The following XYLT2 variants were observed in gnomAD, a reference collection of about 807,000 sequenced individuals.
XYLT2 encodes the protein xylosyltransferase 2.
Under a neutral mutation model 82.6 loss-of-function variants are expected in XYLT2, and 37 were observed. That is an observed-to-expected ratio of 0.45 (90% confidence interval 0.34 to 0.59). XYLT2 has a LOEUF of 0.59. XYLT2 is among the 20% of genes least tolerant of loss of function. XYLT2 has a pLI of 0.01. For missense variants in XYLT2, 934 were observed against 1,181.3 expected, an observed-to-expected ratio of 0.79 and a Z score of 3.07; for synonymous variants, 474 against 499.0, an observed-to-expected ratio of 0.95 and a Z score of 0.67.
Position 50,357,171 on chromosome 17 carries a change from G to T in XYLT2, c.1860G>T (p.Thr620=). 6.2e-7 allele frequency: 1 copy of T among 1,612,820 alleles called. No individual in the cohort carries two copies. Among genetic ancestry groups the T allele is most frequent in the Admixed American group, 1.7e-5 (1 of 60,002 alleles). ...VQPSAQGPAE[T]LEMWLMPQGS... is the part of the protein sequence containing the mutation. ...CCTCAGCCCAGGGGCCGGCAGAGAC[G>T]CTTGAGATGTGGCTGATGCCCCAAG... The change falls in exon 9 of 11, where the codon ACG becomes ACT. Residue 620 remains threonine (T), a synonymous_variant. Coordinates refer to ENST00000017003, the MANE Select transcript of XYLT2 (RefSeq NM_022167.4).
intron 3 of XYLT2, 92 bp downstream of exon 3, chr17:50,354,675 A>C (rs1242916786): frequency 7.2e-7 from 1 of 1,389,272 alleles, no homozygotes; most frequent in Non-Finnish European, 9.3e-7. Flanking sequence ...TGGCCCAGGT[A>C]GCCTAGGAGG....
Position 50,356,353 on chromosome 17 carries a change from G to C in XYLT2, c.1482+92G>C, listed in dbSNP as rs1912529260. Reference sequence around the variant, plus strand: ...CAGGGTGGGCCAGTAAGAGAATCTGGGGGGCCACGGCCTGCAGCAACCCTC... The same window carrying C: ...CAGGGTGGGCCAGTAAGAGAATCTGCGGGGCCACGGCCTGCAGCAACCCTC... On this transcript the variant is annotated intron_variant, in intron 7 of 10. Coordinates refer to ENST00000017003, the MANE Select transcript of XYLT2 (RefSeq NM_022167.4). 6 of 1,558,768 alleles carry C rather than the reference G, an allele frequency of 3.8e-6. No homozygotes were observed. In the Middle Eastern group the frequency reaches 5.3e-4, roughly 137 times the overall value.
In XYLT2 at chr17:50,361,098, GCTCAGCGTGAAGTCTGAA is replaced by G. The variant is rs1373938060; in HGVS notation, c.*808_*825del. The G allele has an allele frequency of 2.0e-6, 2 of 985,812 alleles. No individual in the cohort carries two copies. The highest frequency in any genetic ancestry group is 2.4e-6 in the Non-Finnish European group (2 of 829,970). The allele number at this position is 985,812 out of a possible 1,614,324, so 61.1% of individuals were successfully genotyped here. A position where few individuals can be genotyped will look rare whatever the true frequency, so the allele number is the denominator to read the frequency against. On this transcript the variant is annotated 3_prime_UTR_variant, in exon 11 of 11. Transcript: ENST00000017003. ...AGAACCTGGAGTAATTGTGCCTGAA[GCTCAGCGTGAAGTCTGAA>G]ATATGCAACAGAAGAAATATATCTC...
chr17:50,347,583 A>G (rs2586466), intron 1 of XYLT2, among the ~76,000 whole-genome samples: 78,862 of 152,114 alleles, frequency 0.52, 21,257 homozygotes, highest in East Asian at 0.88. Flanking sequence ...GGGACATTCC[A>G]AGATGGAATG....
intron 7 of XYLT2, 97 bp downstream of exon 7, chr17:50,356,358 C>G (rs1598351713): frequency 6.4e-7 from 1 of 1,552,490 alleles, no homozygotes; most frequent in East Asian, 2.3e-5. Context: ...ATCTGGGGGG[C>G]CACGGCCTGC....
chr17:50,351,092 G>C (rs1184438217), intron 1 of XYLT2, among the ~76,000 whole-genome samples: 4 of 152,216 alleles, frequency 2.6e-5, no homozygotes, highest in Non-Finnish European at 5.9e-5. Flanking sequence ...TTTATCCTAA[G>C]AGGGGAAGCC....
chr17:50,358,865 C>G (rs921251533), intron 10 of XYLT2: 2 of 247,098 alleles, frequency 8.1e-6, no homozygotes, highest in Non-Finnish European at 1.6e-5. Flanking sequence ...TATCAGGGAC[C>G]TCCTGGTTCA....
In XYLT2 at chr17:50,356,000, G is replaced by A; in HGVS notation, c.1305+3G>A. The A allele has an allele frequency of 6.2e-7, 1 of 1,614,242 alleles. No individual in the cohort carries two copies. Among genetic ancestry groups the A allele is most frequent in the Non-Finnish European group, 8.5e-7 (1 of 1,180,034 alleles). ...CATACACACTGCTCCCAGCCGAGGTGGGTAGCCCAGCAGGCATGAAGGCCA... is the reference window on the plus strand; with the variant it reads ...CATACACACTGCTCCCAGCCGAGGTAGGTAGCCCAGCAGGCATGAAGGCCA... On this transcript the variant is annotated splice_donor_region_variant and intron_variant, in intron 6 of 10. Coordinates refer to ENST00000017003, the MANE Select transcript of XYLT2 (RefSeq NM_022167.4).
intron 2 of XYLT2, 39 bp downstream of exon 2, chr17:50,354,161 G>A (rs745440026): frequency 1.3e-6 from 2 of 1,597,894 alleles, no homozygotes; most frequent in South Asian, 1.1e-5. Context: ...CCAGGCGGGG[G>A]CAGGGGGGTG....
intron 1 of XYLT2, 70 bp from the exon 2 acceptor site, chr17:50,353,560 C>A: frequency 6.6e-7 from 1 of 1,513,560 alleles, no homozygotes; most frequent in Non-Finnish European, 8.8e-7. Context: ...TGCCCCCAAC[C>A]AAGATGGAAC....
chr17:50,352,048 G>T (rs1038935249), intron 1 of XYLT2, among the ~76,000 whole-genome samples: 2 of 152,174 alleles, frequency 1.3e-5, no homozygotes, highest in Non-Finnish European at 2.9e-5. Flanking sequence ...AAATGCGGAG[G>T]GTGCTTCAAG....
At position 50,353,999 on chromosome 17, in the gene XYLT2, G is replaced by T. The variant is rs376155356; in HGVS notation, c.505G>T (p.Ala169Ser). The T allele has an allele frequency of 1.9e-6, 3 of 1,606,722 alleles. No homozygotes were observed. The highest frequency in any genetic ancestry group is 2.5e-6 in the Non-Finnish European group (3 of 1,179,922). Residue 169 changes from alanine to serine, a missense_variant, in exon 2 of 11, where the codon GCA becomes TCA. Ala to Ser is a moderately conservative substitution (Grantham distance 99). Coordinates refer to ENST00000017003, the MANE Select transcript of XYLT2 (RefSeq NM_022167.4). ...TPKCEIVGKD[A>S]LSALARASTK... ...CAAGTGCGAGATCGTGGGCAAGGAC[G>T]CACTGTCTGCACTGGCCCGGGCCAG...
rs760893167 is a variant in XYLT2, at chr17:50,354,521, C to G, written c.742C>G (p.Leu248Val). The change falls in exon 3 of 11, where the codon CTG (leucine) becomes GTG (valine). Residue 248 changes from leucine to valine, a missense_variant. Physicochemically the swap from Leu to Val is conservative, Grantham distance 32. This residue lies in a region of XYLT2 where 371 missense variants were observed against 394.9 expected (regional missense o/e 0.94). Transcript: ENST00000017003. ...GGTTCACGGCCGCGCCATCCGCCAG[C>G]TGAAGCGTCTCCTCAAGGCCGTTTA... ...LVVHGRAIRQ[L>V]KRLLKAVYHE... is the part of the protein sequence containing the mutation. The G allele has an allele frequency of 2.5e-6, 4 of 1,613,418 alleles. No individual in the cohort carries two copies. The African/African-American group carries it at 5.3e-5, about 22-fold the overall frequency.
At chr17:50,351,206 A>C (rs1022860402) in intron 1 of XYLT2, among the ~76,000 whole-genome samples, 3 of 152,196 alleles carry the variant, frequency 2.0e-5, no homozygotes, top group African/African-American at 7.2e-5. Context: ...CAAGAGTAGG[A>C]GCTGGAAGAC....
Position 50,360,540 on chromosome 17 carries a change from C to G in XYLT2, c.*249C>G. 1.6e-6 allele frequency: 2 copies of G among 1,244,880 alleles called. No individual in the cohort carries two copies. Among genetic ancestry groups the G allele is most frequent in the Non-Finnish European group, 2.0e-6 (2 of 996,300 alleles). The allele number at this position is 1,244,880 out of a possible 1,614,324, so 77.1% of individuals were successfully genotyped here. A position where few individuals can be genotyped will look rare whatever the true frequency, so the allele number is the denominator to read the frequency against. On this transcript the variant is annotated 3_prime_UTR_variant, in exon 11 of 11. Transcript: ENST00000017003. ...GCATTCCACACCCAGCTCTTCCTCACCTTCCTGTCTAGTTTGAATTTCTTT... is the reference window on the plus strand; with the variant it reads ...GCATTCCACACCCAGCTCTTCCTCAGCTTCCTGTCTAGTTTGAATTTCTTT...
chr17:50,358,391 C>G lies in XYLT2; in HGVS notation c.2126C>G (p.Thr709Ser), dbSNP rs1818661497. The G allele has an allele frequency of 3.7e-6, 6 of 1,614,150 alleles. 1 individual carries two copies. In the South Asian group the frequency reaches 6.6e-5, roughly 18 times the overall value. ...TATGACATCACAGTAGATACGGAGA[C>G]TGAGGTCACGCAATACAAGCCCCCA... ...TSYDITVDTE[T>S]EVTQYKPPLS... The change falls in exon 10 of 11, where the codon ACT becomes AGT. Residue 709 changes from threonine (T) to serine (S), a missense_variant. Thr to Ser is a moderately conservative substitution (Grantham distance 58). Transcript: ENST00000017003.
chr17:50,354,620 A>G (rs1912428870), intron 3 of XYLT2, 37 bp downstream of exon 3: 2 of 1,579,270 alleles, frequency 1.3e-6, no homozygotes, highest in African/African-American at 2.7e-5. Flanking sequence ...GTCTGGGATG[A>G]GCAGAGCAGA....
At chr17:50,357,971 C>A in intron 9 of XYLT2, 1 of 550,504 alleles carries the variant, frequency 1.8e-6, no homozygotes, top group Non-Finnish European at 3.2e-6. Context: ...GTATTGTCCC[C>A]AATAAGGGGG....
At chr17:50,352,761 G>A (rs2143206022) in intron 1 of XYLT2, among the ~76,000 whole-genome samples, 1 of 152,332 alleles carries the variant, frequency 6.6e-6, no homozygotes, top group South Asian at 2.1e-4. Context: ...TGCTGCACAT[G>A]CAGCGAGGTG....
Sources: gnomAD v4.1 joint callset for allele counts (sites outside exome capture counted in the v4.1 genomes callset) on GRCh38, gnomAD v4.1.1 for gene constraint, gnomAD v4.1.1 regional missense constraint, MANE v1.5 for transcripts, NCBI Gene and HGNC (gene_info 2026-07-23, HGNC 2026-07-21) for gene names.